Variants in SLC22A15 observed in about 807,000 individuals in gnomAD.
The protein encoded by SLC22A15 is flipt 1.
SLC22A15 carries 45 observed loss-of-function variants against 62.7 expected under a neutral mutation model. The observed-to-expected ratio is 0.72, with a 90% CI of 0.56 to 0.92. SLC22A15 has a LOEUF of 0.92. SLC22A15 is among the 40% of genes least tolerant of loss of function. The probability of loss-of-function intolerance (pLI) is 0.00; values close to 1 mark genes in which losing one functional copy is unlikely to be tolerated. For missense variants in SLC22A15, 622 were observed against 665.6 expected (o/e 0.93, Z 0.72); for synonymous variants, 264 against 267.0 (o/e 0.99, Z 0.11).
intron 5 of SLC22A15, among the ~76,000 whole-genome samples, chr1:116,029,856 T>C (rs1413476032): frequency 5.9e-5 from 9 of 152,222 alleles, no homozygotes; most frequent in Non-Finnish European, 1.2e-4. Flanking sequence ...TTCTTTTTTA[T>C]TCCTCCCAAT....
Position 116,031,484 on chromosome 1 carries a change from C to T in SLC22A15, c.847C>T (p.His283Tyr), listed in dbSNP as rs1410904546. 1 of 1,614,014 alleles carries T rather than the reference C, an allele frequency of 6.2e-7. No homozygotes were observed. Among genetic ancestry groups the T allele is most frequent in the Admixed American group, 1.7e-5 (1 of 60,024 alleles). ...ACTCAAGTGCACGTTCTCACTAACA[C>T]ACCCAGCCAACAGGAGCTGCAGGGA... ...RKLKCTFSLT[H>Y]PANRSCRETG... Residue 283 changes from histidine to tyrosine, a missense_variant, in exon 6 of 12, where the codon CAC becomes TAC. Transcript: ENST00000369503.
At chr1:115,991,734 A>G (rs1310181709) in intron 1 of SLC22A15, among the ~76,000 whole-genome samples, 1 of 152,332 alleles carries the variant, frequency 6.6e-6, no homozygotes, top group South Asian at 2.1e-4. Context: ...TTTGAACCAT[A>G]TAAGCATATA....
intron 4 of SLC22A15, 63 bp downstream of exon 4, chr1:116,020,948 C>T: frequency 7.0e-7 from 1 of 1,429,030 alleles, no homozygotes; most frequent in South Asian, 1.4e-5. Context: ...TATAGGGACC[C>T]AGTTTAATCC....
rs548742779 is a variant in SLC22A15 at position 116,035,281 on chromosome 1, G to A, written c.1039G>A (p.Glu347Lys). The change falls in exon 7 of 12, where the codon GAG becomes AAG. Residue 347 changes from glutamate (E) to lysine (K), a missense_variant. Coordinates refer to ENST00000369503, the MANE Select transcript of SLC22A15 (RefSeq NM_018420.3). The stretch of plus-strand genomic sequence containing the variant: ...CAACCTGGCCCTGTCTGGCCTCATA[G>A]AGATTCCATCTTACCCTCTCTGTAT... ...YANLALSGLI[E>K]IPSYPLCIYL... 2.5e-6 allele frequency: 4 copies of A among 1,613,318 alleles called. No homozygotes were observed. In the East Asian group the frequency reaches 6.7e-5, roughly 27 times the overall value.
chr1:115,984,861 GA>G (rs1240575076), intron 1 of SLC22A15, among the ~76,000 whole-genome samples: 1 of 151,938 alleles, frequency 6.6e-6, no homozygotes, highest in South Asian at 2.1e-4. Flanking sequence ...TTTAAAAATA[GA>G]AAAAAGCTTA....
chr1:116,065,664 T>G (rs1658481217), intron 10 of SLC22A15, among the ~76,000 whole-genome samples: 1 of 152,030 alleles, frequency 6.6e-6, no homozygotes, highest in African/African-American at 2.4e-5. Context: ...CCTTCTCCCT[T>G]TTCCACCTCC....
chr1:115,984,395 C>T (rs1654755027), intron 1 of SLC22A15, among the ~76,000 whole-genome samples: 1 of 152,156 alleles, frequency 6.6e-6, no homozygotes, highest in South Asian at 2.1e-4. Flanking sequence ...TTTGTGCTCT[C>T]ATGAACTTCA....
intron 2 of SLC22A15, among the ~76,000 whole-genome samples, chr1:116,007,185 C>G (rs1463861585): frequency 2.0e-5 from 3 of 152,154 alleles, no homozygotes; most frequent in Non-Finnish European, 4.4e-5. Flanking sequence ...AATAGTGACC[C>G]TCAGTCTCCA....
chr1:116,044,478 G>A (rs1657875909), intron 8 of SLC22A15, among the ~76,000 whole-genome samples: 1 of 152,186 alleles, frequency 6.6e-6, no homozygotes. Flanking sequence ...AAGGTCAGGA[G>A]AAAGGCCAGG....
chr1:116,054,373 C>A (rs1308538835), intron 8 of SLC22A15, among the ~76,000 whole-genome samples: 1 of 151,656 alleles, frequency 6.6e-6, no homozygotes, highest in African/African-American at 2.4e-5. Flanking sequence ...AATATATATG[C>A]ACCCAATACA....
intron 2 of SLC22A15, among the ~76,000 whole-genome samples, chr1:115,997,215 A>G (rs1425160759): frequency 6.6e-6 from 1 of 152,046 alleles, no homozygotes; most frequent in Non-Finnish European, 1.5e-5. Flanking sequence ...TTTGAAGTCA[A>G]ATAATGTGAT....
chr1:115,986,615 T>C (rs1654876789), intron 1 of SLC22A15, among the ~76,000 whole-genome samples: 1 of 152,158 alleles, frequency 6.6e-6, no homozygotes, highest in South Asian at 2.1e-4. Context: ...CTGGAATAAG[T>C]GTGGAAGAGG....
At chr1:116,021,997 G>A (rs1474624782) in intron 4 of SLC22A15, among the ~76,000 whole-genome samples, 1 of 152,138 alleles carries the variant, frequency 6.6e-6, no homozygotes, top group Non-Finnish European at 1.5e-5. Context: ...GAAGTGTATG[G>A]GCTATTGTAT....
chr1:116,062,657 T>C, intron 8 of SLC22A15, 105 bp from the exon 9 acceptor site: 1 of 1,347,250 alleles, frequency 7.4e-7, no homozygotes, highest in Middle Eastern at 2.4e-4. Flanking sequence ...CTCTTTGCTC[T>C]TTGAGATCAA....
At chr1:115,980,675 A>G (rs933064380) in intron 1 of SLC22A15, among the ~76,000 whole-genome samples, 4 of 150,140 alleles carry the variant, frequency 2.7e-5, no homozygotes, top group Admixed American at 2.0e-4. Context: ...ATATAAGAAC[A>G]TGGAGTAGAA....
intron 1 of SLC22A15, among the ~76,000 whole-genome samples, chr1:115,977,513 C>G (rs186636654): frequency 1.3e-5 from 2 of 152,342 alleles, no homozygotes; most frequent in Admixed American, 1.3e-4. Context: ...TGACATTAGT[C>G]GCTTCTCTCA....
At chr1:116,056,790 A>G (rs1054660263) in intron 8 of SLC22A15, among the ~76,000 whole-genome samples, 1 of 152,336 alleles carries the variant, frequency 6.6e-6, no homozygotes, top group Admixed American at 6.5e-5. Context: ...AAGCTGAGAA[A>G]AACAAGACAT....
chr1:116,058,274 AAAAC>A (rs1658278023), intron 8 of SLC22A15, among the ~76,000 whole-genome samples: 2 of 152,180 alleles, frequency 1.3e-5, no homozygotes, highest in African/African-American at 4.8e-5. Flanking sequence ...TCAGTAAGGA[AAAAC>A]AAACAATCCC....
chr1:115,985,461 T>C (rs1232517695), intron 1 of SLC22A15, among the ~76,000 whole-genome samples: 1 of 152,222 alleles, frequency 6.6e-6, no homozygotes, highest in Non-Finnish European at 1.5e-5. Context: ...GCATGACATA[T>C]GACTGTTTGT....
Sources: gnomAD v4.1 joint callset for allele counts (sites outside exome capture counted in the v4.1 genomes callset) on GRCh38, gnomAD v4.1.1 for gene constraint, MANE v1.5 for transcripts, NCBI Gene and HGNC (gene_info 2026-07-23, HGNC 2026-07-21) for gene names.